TRAPPC9: variants seen among roughly 807,000 people sequenced by gnomAD.
The protein encoded by TRAPPC9 is IKK2 binding protein.
Under a neutral mutation model 124.0 loss-of-function variants are expected in TRAPPC9, and 83 were observed. The observed-to-expected ratio is 0.67, with a 90% CI of 0.56 to 0.80. The LOEUF is 0.80. Among genes scored for constraint, TRAPPC9 ranks in the 30% least tolerant of loss-of-function variants. TRAPPC9 has a pLI of 0.00. For synonymous variants in TRAPPC9, 638 were observed against 617.5 expected (o/e 1.03, Z -0.49); for missense variants, 1,302 against 1,508.3 (o/e 0.86, Z 2.27).
At chr8:139,829,594 G>T (rs1825844033) in intron 21 of TRAPPC9, among the ~76,000 whole-genome samples, 3 of 152,238 alleles carry the variant, frequency 2.0e-5, no homozygotes, top group African/African-American at 7.2e-5. Context: ...CTCACCAAGA[G>T]CCTTGGGATG....
intron 19 of TRAPPC9, among the ~76,000 whole-genome samples, chr8:139,913,694 C>T (rs891279686): frequency 3.3e-5 from 5 of 152,192 alleles, no homozygotes; most frequent in African/African-American, 7.2e-5. Flanking sequence ...TCCCAAAGGC[C>T]GCGTTCCTTT....
rs75730885 is a variant in TRAPPC9, at chr8:139,741,592, T to C, written c.3056-9390A>G. ...CAGTGGTTCGTAGTATATTCAGATA[T>C]GTGCGACCACAGCCCGTTTTCGAAC... On this transcript the variant is annotated intron_variant, in intron 21 of 22. Transcript: ENST00000438773. Among the ~76,000 whole-genome samples, 853 of 152,294 alleles carry C rather than the reference T, an allele frequency of 5.6e-3. 8 individuals are homozygous for C. The highest frequency in any genetic ancestry group is 0.019 in the African/African-American group (775 of 41,542).
intron 17 of TRAPPC9, 126 bp downstream of exon 17, chr8:140,221,333 C>T: frequency 7.1e-7 from 1 of 1,407,180 alleles, no homozygotes; most frequent in Non-Finnish European, 9.9e-7. Flanking sequence ...CAAAGAATAC[C>T]AAGAATCCAG....
Position 139,961,746 on chromosome 8 carries a change from C to CG in TRAPPC9, c.2810+26979dup, listed in dbSNP as rs1308767213. 7.3e-5 allele frequency among the ~76,000 whole-genome samples: 9 copies of CG among 123,972 alleles called. 3 individuals are homozygous for CG. The South Asian group carries it at 2.5e-3, about 34-fold the overall frequency. The allele number at this position is 123,972 out of a possible 152,430, so 81.3% of individuals were successfully genotyped here. A position where few individuals can be genotyped will look rare whatever the true frequency, so the allele number is the denominator to read the frequency against. ...CCTGGTGCCTGCTCTGATCTCAAAG[C>CG]GGGGGACTTGTGCTGCCTCTTCTGG... On this transcript the variant is annotated intron_variant, in intron 19 of 22. Coordinates refer to ENST00000438773, the MANE Select transcript of TRAPPC9 (RefSeq NM_001160372.4).
intron 3 of TRAPPC9, among the ~76,000 whole-genome samples, chr8:140,438,264 C>T (rs1313581112): frequency 6.6e-6 from 1 of 152,170 alleles, no homozygotes; most frequent in Non-Finnish European, 1.5e-5. Context: ...CAATCTGCGG[C>T]CTTTTTCATG....
At chr8:139,935,831 C>T (rs955471527) in intron 19 of TRAPPC9, among the ~76,000 whole-genome samples, 1 of 152,256 alleles carries the variant, frequency 6.6e-6, no homozygotes, top group African/African-American at 2.4e-5. Flanking sequence ...ACAATCACCT[C>T]ATTTCATCCA....
chr8:139,862,142 T>A (rs990753173), intron 21 of TRAPPC9, among the ~76,000 whole-genome samples: 1 of 152,216 alleles, frequency 6.6e-6, no homozygotes, highest in Non-Finnish European at 1.5e-5. Context: ...TTCTGTAAGG[T>A]CATGGTCACT....
intron 9 of TRAPPC9, among the ~76,000 whole-genome samples, chr8:140,326,834 T>C (rs1263298901): frequency 2.0e-5 from 3 of 152,196 alleles, no homozygotes; most frequent in Non-Finnish European, 1.5e-5. Context: ...TGAGTCCTGA[T>C]TGTGCCACTG....
chr8:139,946,488 T>A (rs1834225708), intron 19 of TRAPPC9, among the ~76,000 whole-genome samples: 1 of 152,192 alleles, frequency 6.6e-6, no homozygotes, highest in Non-Finnish European at 1.5e-5. Context: ...CTTGGAGTTT[T>A]GCTTCTTTGC....
intron 14 of TRAPPC9, among the ~76,000 whole-genome samples, chr8:140,282,701 G>A (rs952113822): frequency 6.6e-6 from 1 of 152,160 alleles, no homozygotes; most frequent in Non-Finnish European, 1.5e-5. Flanking sequence ...GTAAAGGCAT[G>A]AAGAAAAGCT....
At position 140,155,645 on chromosome 8, in the gene TRAPPC9, C is replaced by T. The variant is rs141601028; in HGVS notation, c.2556+65814G>A. Among the ~76,000 whole-genome samples, 6 of 152,248 alleles carry T rather than the reference C, an allele frequency of 3.9e-5. No individual in the cohort carries two copies. In the East Asian group the frequency reaches 1.2e-3, roughly 29 times the overall value. ...AAGGACAATCTCGTTTGTTTTAATA[C>T]GTAACCCTTCAGCCAAAAAAGATAC... On this transcript the variant is annotated intron_variant, in intron 17 of 22. Transcript: ENST00000438773.
rs538606737 is a variant in TRAPPC9, at chr8:140,441,862, G to C, written c.585-2665C>G. 2.0e-4 allele frequency among the ~76,000 whole-genome samples: 31 copies of C among 151,856 alleles called. No individual in the cohort carries two copies. In the Middle Eastern group the frequency reaches 0.021, roughly 101 times the overall value. Reference sequence around the variant, plus strand: ...TTATAGGAGTCAGCCACTGTGCCCAGCCTACAAAAAAAATTGTTTTAAGTA... The same window carrying C: ...TTATAGGAGTCAGCCACTGTGCCCACCCTACAAAAAAAATTGTTTTAAGTA... On this transcript the variant is annotated intron_variant, in intron 2 of 22. Coordinates refer to ENST00000438773, the MANE Select transcript of TRAPPC9 (RefSeq NM_001160372.4).
chr8:140,372,355 G>T (rs2068306820), intron 7 of TRAPPC9, among the ~76,000 whole-genome samples: 6 of 152,144 alleles, frequency 3.9e-5, no homozygotes, highest in Admixed American at 3.3e-4. Context: ...TCCAACTTGG[G>T]CCTCCAAACC....
intron 17 of TRAPPC9, among the ~76,000 whole-genome samples, chr8:140,072,522 A>AAAG (rs1554618578): frequency 1.4e-5 from 2 of 141,714 alleles, no homozygotes; most frequent in African/African-American, 5.2e-5. Flanking sequence ...CGTCTCAAAA[A>AAAG]AAAAAGGAGG....
chr8:140,232,121 T>C (rs1587977602), intron 16 of TRAPPC9, among the ~76,000 whole-genome samples: 1 of 151,956 alleles, frequency 6.6e-6, no homozygotes, highest in African/African-American at 2.4e-5. Context: ...TCTTGCTATG[T>C]TGCCCAGGCT....
intron 2 of TRAPPC9, among the ~76,000 whole-genome samples, chr8:140,444,312 C>T (rs998464690): frequency 8.6e-5 from 13 of 151,890 alleles, no homozygotes; most frequent in African/African-American, 2.9e-4. Context: ...AAGAGCTATT[C>T]CAGAACTATC....
At chr8:140,267,345 T>G (rs1416020119) in intron 15 of TRAPPC9, among the ~76,000 whole-genome samples, 1 of 152,210 alleles carries the variant, frequency 6.6e-6, no homozygotes, top group African/African-American at 2.4e-5. Flanking sequence ...CAAGAACAAC[T>G]GCTATCTGTA....
At chr8:140,124,528 A>G (rs1221152630) in intron 17 of TRAPPC9, among the ~76,000 whole-genome samples, 1 of 152,036 alleles carries the variant, frequency 6.6e-6, no homozygotes, top group African/African-American at 2.4e-5. Context: ...AAGGTCTGAC[A>G]CACAAGGTCT....
intron 21 of TRAPPC9, among the ~76,000 whole-genome samples, chr8:139,820,007 C>CAAAA (rs35064399): frequency 9.6e-5 from 5 of 51,820 alleles, no homozygotes; most frequent in African/African-American, 1.6e-4. Flanking sequence ...GACTCTGTCT[C>CAAAA]AAAAAAAAAA....
Sources: gnomAD v4.1 joint callset for allele counts (sites outside exome capture counted in the v4.1 genomes callset) on GRCh38, gnomAD v4.1.1 for gene constraint, MANE v1.5 for transcripts, NCBI Gene and HGNC (gene_info 2026-07-23, HGNC 2026-07-21) for gene names.